Variants in CPPED1 observed in about 807,000 individuals in gnomAD.
The protein encoded by CPPED1 is calcineurin like phosphoesterase domain containing 1.
CPPED1 carries 28 observed loss-of-function variants against 28.0 expected under a neutral mutation model. That is an observed-to-expected ratio of 1.00 (90% CI 0.74 to 1.37). The LOEUF (loss-of-function observed/expected upper bound fraction) is 1.37. Among genes scored for constraint, CPPED1 ranks in the 40% most tolerant of loss-of-function variants. The pLI is 0.00. For missense variants in CPPED1, 504 were observed against 416.5 expected, an observed-to-expected ratio of 1.21 and a Z score of -1.83; for synonymous variants, 198 against 180.2, an observed-to-expected ratio of 1.10 and a Z score of -0.79.
At chr16:12,729,019 A>C (rs1238935364) in intron 2 of CPPED1, among the ~76,000 whole-genome samples, 1 of 152,164 alleles carries the variant, frequency 6.6e-6, no homozygotes, top group Non-Finnish European at 1.5e-5. Context: ...TGGTGAGGTC[A>C]CCATCACTGG....
Position 12,664,849 on chromosome 16 carries a change from A to G in CPPED1, c.*37T>C, listed in dbSNP as rs1401983722. 1 of 1,606,982 alleles carries G rather than the reference A, an allele frequency of 6.2e-7. No homozygotes were observed. The highest frequency in any genetic ancestry group is 8.5e-7 in the Non-Finnish European group (1 of 1,178,172). On this transcript the variant is annotated 3_prime_UTR_variant, in exon 4 of 4. Coordinates refer to ENST00000381774, the MANE Select transcript of CPPED1 (RefSeq NM_018340.3). This position sits in a 1 kb window ranked among gnomAD's most constrained non-coding sequence, Gnocchi z 4.2. ...GCTGTTTCTGGCAAAATAAAAAAAT[A>G]GTGCAAGTGAAAAGTGAACGGGAAC...
intron 2 of CPPED1, chr16:12,757,842 G>A (rs1031678024): frequency 6.6e-6 from 1 of 150,518 alleles, no homozygotes; most frequent in African/African-American, 2.4e-5. Flanking sequence ...TCATTTGGCT[G>A]GAAAGACCAT....
chr16:12,803,100 C>T (rs981659829), intron 1 of CPPED1, among the ~76,000 whole-genome samples: 3 of 152,340 alleles, frequency 2.0e-5, no homozygotes, highest in South Asian at 2.1e-4. Context: ...CCCTATGAGG[C>T]AGGTATTATC....
intron 2 of CPPED1, among the ~76,000 whole-genome samples, chr16:12,720,824 G>A (rs1051411950): frequency 6.6e-6 from 1 of 152,204 alleles, no homozygotes; most frequent in African/African-American, 2.4e-5. Context: ...TTAGTTTACA[G>A]CTCAACACAA....
At chr16:12,684,842 T>A (rs1379116241) in intron 3 of CPPED1, among the ~76,000 whole-genome samples, 1 of 152,112 alleles carries the variant, frequency 6.6e-6, no homozygotes, top group East Asian at 1.9e-4. Flanking sequence ...GAGAGATGGA[T>A]GGATGGATGC....
At chr16:12,734,058 GTTTTTTTTTTTTTTTTTTTTTT>G (rs71142517) in intron 2 of CPPED1, among the ~76,000 whole-genome samples, 1 of 64,410 alleles carries the variant, frequency 1.6e-5, no homozygotes, top group African/African-American at 8.5e-5. Flanking sequence ...CAAATTACAC[GTTTTTTTTTTTTTTTTTTTTTT>G]TTTTTTTTGA....
In CPPED1 at chr16:12,721,883, A is replaced by C. The variant is rs552082443; in HGVS notation, c.290-16834T>G. ...AAAACCAACCACCTCTGAGACCTTC[A>C]AAATATTTTCTCTCCGCTATGGAGG... On this transcript the variant is annotated intron_variant, in intron 2 of 3. Coordinates refer to ENST00000381774, the MANE Select transcript of CPPED1 (RefSeq NM_018340.3). Among the ~76,000 whole-genome samples, 23 of 152,318 alleles carry C rather than the reference A, an allele frequency of 1.5e-4. No individual in the cohort carries two copies. In the East Asian group the frequency reaches 4.0e-3, roughly 27 times the overall value.
chr16:12,711,759 T>C (rs2080081187), intron 2 of CPPED1, among the ~76,000 whole-genome samples: 1 of 152,180 alleles, frequency 6.6e-6, no homozygotes, highest in African/African-American at 2.4e-5. Flanking sequence ...AGGGGTGTCC[T>C]CTGGGGATGT....
intron 1 of CPPED1, among the ~76,000 whole-genome samples, chr16:12,785,605 T>A (rs141373152): frequency 6.6e-6 from 1 of 152,078 alleles, no homozygotes; most frequent in African/African-American, 2.4e-5. Flanking sequence ...TTTTTGTAGT[T>A]TTAGTAGAGA....
intron 2 of CPPED1, among the ~76,000 whole-genome samples, chr16:12,774,707 C>T (rs901545094): frequency 6.6e-6 from 1 of 152,112 alleles, no homozygotes; most frequent in Admixed American, 6.5e-5. Context: ...GTGGCTGGAT[C>T]GTGAGGGCCA....
At chr16:12,744,617 G>A (rs1305216616) in intron 2 of CPPED1, among the ~76,000 whole-genome samples, 4 of 152,168 alleles carry the variant, frequency 2.6e-5, no homozygotes, top group Admixed American at 1.3e-4. Context: ...GGGGAACACA[G>A]GAAGGGTCTG....
At chr16:12,699,554 T>C (rs1322030532) in intron 3 of CPPED1, among the ~76,000 whole-genome samples, 1 of 152,224 alleles carries the variant, frequency 6.6e-6, no homozygotes, top group African/African-American at 2.4e-5. Flanking sequence ...TTAAATCATT[T>C]ATTCATCCCA....
At chr16:12,729,233 A>G (rs967987303) in intron 2 of CPPED1, among the ~76,000 whole-genome samples, 87 of 152,210 alleles carry the variant, frequency 5.7e-4, no homozygotes, top group African/African-American at 2.0e-3. Flanking sequence ...GCATACCCTA[A>G]CCAAAATAGT....
chr16:12,736,527 C>A (rs2080227677), intron 2 of CPPED1, among the ~76,000 whole-genome samples: 2 of 152,146 alleles, frequency 1.3e-5, no homozygotes, highest in African/African-American at 4.8e-5. Flanking sequence ...GTGTGAGCCA[C>A]CGCACCTGGC....
At chr16:12,674,002 T>C (rs889344511) in intron 3 of CPPED1, among the ~76,000 whole-genome samples, 4 of 151,968 alleles carry the variant, frequency 2.6e-5, no homozygotes, top group African/African-American at 9.7e-5. Flanking sequence ...TGGGCTATGG[T>C]TGCACCACTG....
At chr16:12,794,910 G>A (rs927380899) in intron 1 of CPPED1, among the ~76,000 whole-genome samples, 1 of 152,258 alleles carries the variant, frequency 6.6e-6, no homozygotes, top group African/African-American at 2.4e-5. Context: ...TAAGAAAGCA[G>A]ATGGGCTGGG....
intron 1 of CPPED1, among the ~76,000 whole-genome samples, chr16:12,793,667 C>T (rs1306973500): frequency 2.0e-5 from 3 of 152,300 alleles, no homozygotes; most frequent in Admixed American, 6.5e-5. Flanking sequence ...GTGAGTTACT[C>T]GTGCCATGAC....
intron 2 of CPPED1, among the ~76,000 whole-genome samples, chr16:12,780,147 G>C (rs2080521463): frequency 6.6e-6 from 1 of 151,896 alleles, no homozygotes; most frequent in South Asian, 2.1e-4. Context: ...GTGAGCCAGA[G>C]GGGTATGAGC....
intron 2 of CPPED1, chr16:12,720,299 G>A (rs917768088): frequency 1.3e-5 from 2 of 154,294 alleles, no homozygotes; most frequent in Non-Finnish European, 2.9e-5. Context: ...AAAAGTGTCA[G>A]CTTCTCTTCT....
Sources: allele counts gnomAD v4.1 joint callset (sites outside exome capture counted in the v4.1 genomes callset), GRCh38; gene constraint gnomAD v4.1.1; non-coding constraint Gnocchi (gnomAD v3.1); transcripts MANE v1.5; gene names NCBI Gene and HGNC (gene_info 2026-07-23, HGNC 2026-07-21).